The following SMYD1 variants were observed in gnomAD, a reference collection of about 807,000 sequenced individuals.
SMYD1 encodes the protein SET and MYND domain containing 1.
A neutral mutation model predicts 54.0 loss-of-function variants in SMYD1; 49 were observed. The observed-to-expected ratio is 0.91, with a 90% CI of 0.72 to 1.15. The LOEUF (loss-of-function observed/expected upper bound fraction) is 1.15, where lower values mean the gene tolerates loss of function less well. Among genes scored for constraint, SMYD1 ranks in the 50% most tolerant of loss-of-function variants. The pLI is 0.00. For missense variants in SMYD1, 653 were observed against 639.6 expected, an observed-to-expected ratio of 1.02 and a Z score of -0.23; for synonymous variants, 269 against 234.2, an observed-to-expected ratio of 1.15 and a Z score of -1.36.
In SMYD1 at chr2:88,108,379, A is replaced by G. The variant is rs1365701381; in HGVS notation, c.1154A>G (p.Tyr385Cys). 2.5e-6 allele frequency: 4 copies of G among 1,589,218 alleles called. No homozygotes were observed. The highest frequency in any genetic ancestry group is 3.4e-6 in the Non-Finnish European group (4 of 1,169,868). The change falls in exon 9 of 10, where the codon TAC becomes TGC. Residue 385 changes from tyrosine to cysteine, a missense_variant. Physicochemically the swap from Tyr to Cys is radical, Grantham distance 194. Coordinates refer to ENST00000419482, the MANE Select transcript of SMYD1 (RefSeq NM_198274.4). ...CTGCTATGCTCCCACAGGAAGCTCTACCACCCCAACAATGCCCAACTGGGC... is the reference window on the plus strand; with the variant it reads ...CTGCTATGCTCCCACAGGAAGCTCTGCCACCCCAACAATGCCCAACTGGGC... ...RRMVDGYMKL[Y>C]HPNNAQLGMA... is the part of the protein sequence containing the mutation.
intron 4 of SMYD1, 142 bp from the exon 5 acceptor site, chr2:88,093,375 G>C (rs1224455953): frequency 1.1e-6 from 1 of 931,774 alleles, no homozygotes; most frequent in Non-Finnish European, 1.7e-6. Flanking sequence ...AGTGAGTCCA[G>C]CTAGAAGGGG....
chr2:88,085,816 C>T (rs189618437), intron 2 of SMYD1, among the ~76,000 whole-genome samples: 38 of 152,266 alleles, frequency 2.5e-4, no homozygotes, highest in Admixed American at 2.2e-3. Context: ...GAGTCCCATG[C>T]GGGGCATTTC....
intron 1 of SMYD1, among the ~76,000 whole-genome samples, chr2:88,069,023 C>T (rs1673892496): frequency 1.3e-5 from 2 of 152,296 alleles, no homozygotes; most frequent in South Asian, 4.1e-4. Context: ...ATAGGCTCTC[C>T]AAACAGGCTC....
chr2:88,069,450 T>C (rs1237620857), intron 1 of SMYD1, among the ~76,000 whole-genome samples: 1 of 152,136 alleles, frequency 6.6e-6, no homozygotes, highest in Non-Finnish European at 1.5e-5. Flanking sequence ...TATGTGTATG[T>C]GTCAGGGGAG....
intron 1 of SMYD1, among the ~76,000 whole-genome samples, chr2:88,079,183 T>G (rs563045530): frequency 6.6e-6 from 1 of 152,370 alleles, no homozygotes; most frequent in Admixed American, 6.5e-5. Flanking sequence ...TCACCCAATC[T>G]TGGGTGAAGG....
chr2:88,110,389 G>C lies in SMYD1; in HGVS notation c.1350G>C (p.Met450Ile), dbSNP rs1486441388. 6 of 1,612,942 alleles carry C rather than the reference G, an allele frequency of 3.7e-6. No individual in the cohort carries two copies. The Admixed American group carries it at 1.0e-4, about 27-fold the overall frequency. ...TGCAGACGGAGATGGAGCTACGCATGTTCCGCCAGAACGAATTCATGTACT... is the reference window on the plus strand; with the variant it reads ...TGCAGACGGAGATGGAGCTACGCATCTTCCGCCAGAACGAATTCATGTACT... ...MRVQTEMELR[M>I]FRQNEFMYYK... Residue 450 changes from methionine to isoleucine, a missense_variant, in exon 10 of 10, where the codon ATG becomes ATC. Met to Ile is a conservative substitution (Grantham distance 10). Coordinates refer to ENST00000419482, the MANE Select transcript of SMYD1 (RefSeq NM_198274.4).
intron 5 of SMYD1, among the ~76,000 whole-genome samples, chr2:88,094,195 G>A (rs1019932355): frequency 3.0e-4 from 46 of 152,218 alleles, no homozygotes; most frequent in African/African-American, 1.1e-3. Flanking sequence ...GGTAGAAGTG[G>A]TTGGTGCACT....
intron 5 of SMYD1, 43 bp downstream of exon 5, chr2:88,093,598 TC>T (rs776703604): frequency 6.2e-7 from 1 of 1,612,788 alleles, no homozygotes; most frequent in Non-Finnish European, 8.5e-7. Flanking sequence ...CTGACCCATC[TC>T]CCTCACTTAC....
intron 6 of SMYD1, among the ~76,000 whole-genome samples, chr2:88,098,352 C>A (rs1174682999): frequency 2.0e-5 from 3 of 152,130 alleles, no homozygotes; most frequent in Non-Finnish European, 2.9e-5. Context: ...AGTTCCCATC[C>A]CTTCACTTTA....
At chr2:88,071,820 A>G (rs1168820828) in intron 1 of SMYD1, among the ~76,000 whole-genome samples, 1 of 152,014 alleles carries the variant, frequency 6.6e-6, no homozygotes, top group Non-Finnish European at 1.5e-5. Flanking sequence ...CTGCCCCTTT[A>G]ACTCTCCACT....
At chr2:88,103,247 A>AG (rs899885138) in intron 7 of SMYD1, 97 bp downstream of exon 7, 13 of 624,718 alleles carry the variant, frequency 2.1e-5, no homozygotes, top group South Asian at 1.7e-4. Context: ...GCGGCGGGGG[A>AG]GGGGGGCTAC....
chr2:88,101,792 G>A (rs900994882), intron 6 of SMYD1, among the ~76,000 whole-genome samples: 1 of 152,126 alleles, frequency 6.6e-6, no homozygotes, highest in African/African-American at 2.4e-5. Context: ...TTGTAGTAGA[G>A]CTTGGATTTC....
intron 9 of SMYD1, among the ~76,000 whole-genome samples, chr2:88,110,096 C>A (rs1416625169): frequency 6.6e-6 from 1 of 152,096 alleles, no homozygotes. Context: ...TGGGAACAAG[C>A]ATTCTTTTCT....
At chr2:88,098,905 A>G (rs946207112) in intron 6 of SMYD1, among the ~76,000 whole-genome samples, 5 of 152,196 alleles carry the variant, frequency 3.3e-5, no homozygotes, top group Non-Finnish European at 7.3e-5. Context: ...ATTGCCATCA[A>G]AATCTTTCCT....
intron 1 of SMYD1, among the ~76,000 whole-genome samples, chr2:88,073,416 G>T (rs1476476843): frequency 6.6e-6 from 1 of 152,060 alleles, no homozygotes; most frequent in African/African-American, 2.4e-5. Flanking sequence ...TTTCCTTCAG[G>T]TAGATATTCA....
intron 2 of SMYD1, 75 bp downstream of exon 2, chr2:88,084,567 C>T (rs1674278848): frequency 7.1e-7 from 1 of 1,409,194 alleles, no homozygotes; most frequent in Non-Finnish European, 9.7e-7. Flanking sequence ...ACAACATTCC[C>T]AGATCTAAGG....
At chr2:88,089,734 A>G (rs1283298033) in intron 3 of SMYD1, among the ~76,000 whole-genome samples, 1 of 151,686 alleles carries the variant, frequency 6.6e-6, no homozygotes, top group Non-Finnish European at 1.5e-5. Flanking sequence ...CCACAGATGC[A>G]TACCACTATG....
At chr2:88,106,862 T>G (rs1674887742) in intron 8 of SMYD1, among the ~76,000 whole-genome samples, 1 of 152,194 alleles carries the variant, frequency 6.6e-6, no homozygotes, top group South Asian at 2.1e-4. Flanking sequence ...TTTATTTATT[T>G]ATTTATTTAT....
chr2:88,071,963 T>C (rs1294460716), intron 1 of SMYD1, among the ~76,000 whole-genome samples: 1 of 150,236 alleles, frequency 6.7e-6, no homozygotes, highest in African/African-American at 2.5e-5. Flanking sequence ...TTGTTGTTGT[T>C]AAGGAAGAAA....
Sources: gnomAD v4.1 joint callset for allele counts (sites outside exome capture counted in the v4.1 genomes callset) on GRCh38, gnomAD v4.1.1 for gene constraint, MANE v1.5 for transcripts, NCBI Gene and HGNC (gene_info 2026-07-23, HGNC 2026-07-21) for gene names.